PDE1C: variants seen among roughly 807,000 people sequenced by gnomAD.
PDE1C encodes the protein dual specificity calcium/calmodulin-dependent 3',5'-cyclic nucleotide phosphodiesterase 1C.
A neutral mutation model predicts 93.1 loss-of-function variants in PDE1C; 62 were observed. The observed-to-expected ratio is 0.67, with a 90% confidence interval of 0.54 to 0.82. The LOEUF is 0.82. PDE1C is among the 40% of genes least tolerant of loss of function. PDE1C has a pLI of 0.00. For synonymous variants in PDE1C, 325 were observed against 310.1 expected (o/e 1.05, Z -0.50); for missense variants, 742 against 884.6 (o/e 0.84, Z 2.04).
At chr7:31,695,395 A>G in the PDE1C span, 1 of 1,395,794 alleles carries the variant, frequency 7.2e-7, no homozygotes, top group Non-Finnish European at 9.7e-7. Context: ...AAGTGCAATT[A>G]GGAACCAAAC....
intron 1 of PDE1C, among the ~76,000 whole-genome samples, chr7:32,295,455 T>C (rs1353465902): frequency 6.6e-6 from 1 of 152,222 alleles, no homozygotes; most frequent in Non-Finnish European, 1.5e-5. Context: ...TAACAGCTAC[T>C]TTTCAGAGCT....
chr7:32,182,904 T>C (rs545928246), intron 2 of PDE1C, among the ~76,000 whole-genome samples: 2 of 152,264 alleles, frequency 1.3e-5, no homozygotes, highest in South Asian at 2.1e-4. Context: ...GAAAACCCCA[T>C]CGTCTCAGCC....
At chr7:31,965,602 A>G (rs545858114) in intron 2 of PDE1C, among the ~76,000 whole-genome samples, 2 of 152,322 alleles carry the variant, frequency 1.3e-5, no homozygotes, top group South Asian at 2.1e-4. Context: ...CAGGAAATAC[A>G]GAGAAGGCCA....
rs370054647 is a variant in PDE1C, at chr7:32,046,761, G to C, written c.128+4793C>G. ...CTAGATTTAGAAAATGAATAAATCA[G>C]ACACAGTAAGAGCTAGAACTTCTAC... is the stretch of plus-strand genomic sequence containing the variant. On this transcript the variant is annotated intron_variant, in intron 2 of 17. Transcript: ENST00000396191. Among the ~76,000 whole-genome samples, 13 of 152,198 alleles carry C rather than the reference G, an allele frequency of 8.5e-5. 3 individuals are homozygous for C. The highest frequency in any genetic ancestry group is 6.5e-5 in the Admixed American group (1 of 15,282).
intron 2 of PDE1C, among the ~76,000 whole-genome samples, chr7:31,895,915 C>A (rs997328908): frequency 1.3e-5 from 2 of 152,008 alleles, no homozygotes; most frequent in African/African-American, 4.8e-5. Flanking sequence ...TCCATTAAAC[C>A]TCTTTTTCTT....
intron 3 of PDE1C, among the ~76,000 whole-genome samples, chr7:32,086,464 A>C (rs956410830): frequency 6.6e-6 from 1 of 152,208 alleles, no homozygotes; most frequent in African/African-American, 2.4e-5. Context: ...CATCCTCATC[A>C]AGCTACCAAT....
At chr7:32,016,052 C>A (rs1391832224) in intron 2 of PDE1C, among the ~76,000 whole-genome samples, 1 of 152,186 alleles carries the variant, frequency 6.6e-6, no homozygotes. Context: ...AGTTACCACC[C>A]TTTCTCTAGG....
intron 2 of PDE1C, among the ~76,000 whole-genome samples, chr7:31,895,989 C>CCTTA (rs1799260835): frequency 3.3e-5 from 1 of 29,994 alleles, no homozygotes; most frequent in Non-Finnish European, 9.8e-5. Flanking sequence ...ATACACTCTC[C>CCTTA]CTTACATACA....
At chr7:32,370,658 G>T (rs1784314100) in intron 1 of PDE1C, among the ~76,000 whole-genome samples, 1 of 151,772 alleles carries the variant, frequency 6.6e-6, no homozygotes, top group Admixed American at 6.6e-5. Flanking sequence ...GAAGGGGGAG[G>T]GATAGCATTA....
intron 16 of PDE1C, among the ~76,000 whole-genome samples, chr7:31,799,960 C>T (rs1488034686): frequency 6.6e-6 from 1 of 151,512 alleles, no homozygotes; most frequent in Non-Finnish European, 1.5e-5. Flanking sequence ...TATACATATC[C>T]CCTCATACAA....
At chr7:31,652,048 C>T in the PDE1C span, 6 of 1,589,806 alleles carry the variant, frequency 3.8e-6, no homozygotes, top group African/African-American at 8.1e-5. Context: ...AGGGATTTTA[C>T]TGGTATGGGT....
intron 1 of PDE1C, among the ~76,000 whole-genome samples, chr7:32,059,451 C>T (rs1243603992): frequency 6.6e-6 from 1 of 152,174 alleles, no homozygotes; most frequent in Non-Finnish European, 1.5e-5. Flanking sequence ...ACATGGCAGA[C>T]CCAGGCTGCC....
At chr7:31,694,905 G>A in the PDE1C span, among the ~76,000 whole-genome samples, 1 of 152,172 alleles carries the variant, frequency 6.6e-6, no homozygotes, top group African/African-American at 2.4e-5. Context: ...CTTGAGTTAG[G>A]ATGGGCAAAT....
At chr7:32,402,657 T>C (rs1341928811) in intron 1 of PDE1C, among the ~76,000 whole-genome samples, 2 of 152,148 alleles carry the variant, frequency 1.3e-5, no homozygotes, top group Non-Finnish European at 2.9e-5. Context: ...TTACCAGCCA[T>C]TTGGGCATCC....
chr7:31,870,399 C>T (rs1795798826), intron 6 of PDE1C, among the ~76,000 whole-genome samples: 1 of 151,728 alleles, frequency 6.6e-6, no homozygotes, highest in South Asian at 2.1e-4. Context: ...AAATAAACAA[C>T]ATCAGAAGTG....
In PDE1C at chr7:32,181,448, C is replaced by G. The variant is rs545813826; in HGVS notation, c.137-11492G>C. Among the ~76,000 whole-genome samples, 6 of 152,338 alleles carry G rather than the reference C, an allele frequency of 3.9e-5. No homozygotes were observed. In the South Asian group the frequency reaches 1.0e-3, roughly 26 times the overall value. ...AAGAACAGAAATTATAACAAACTCT[C>G]TCTTCAAACCACAGTGCAATCAAAC... On this transcript the variant is annotated intron_variant, in intron 2 of 18. Transcript: ENST00000396193.
chr7:31,864,897 T>C (rs758863603), intron 7 of PDE1C, 45 bp downstream of exon 7: 1 of 1,593,448 alleles, frequency 6.3e-7, no homozygotes, highest in Admixed American at 1.7e-5. Flanking sequence ...TAAAAACTCA[T>C]CCTTACATCT....
At position 32,420,387 on chromosome 7, in the gene PDE1C, A is replaced by ATGTG. The variant is rs1241761271; in HGVS notation, c.310+7434_310+7435insCACA. ...TATGTGTATATATATGTGTATATATATATATACACACACACACACACACAC... is the reference window on the plus strand; with the variant it reads ...TATGTGTATATATATGTGTATATATATGTGTATATACACACACACACACACACAC... On this transcript the variant is annotated intron_variant, in intron 1 of 1. Transcript: ENST00000672256. Among the ~76,000 whole-genome samples the ATGTG allele has an allele frequency of 2.8e-3, 105 of 38,024 alleles. 40 individuals carry two copies. The highest frequency in any genetic ancestry group is 4.0e-3 in the Non-Finnish European group (81 of 20,402). 24.9% of individuals were successfully genotyped at this position (38,024 alleles called of 152,430 possible).
intron 1 of PDE1C, among the ~76,000 whole-genome samples, chr7:32,290,235 T>C (rs1232273772): frequency 6.6e-6 from 1 of 152,160 alleles, no homozygotes; most frequent in East Asian, 1.9e-4. Context: ...TCCAGATCCC[T>C]GGCCTGGTCA....
Sources: allele counts gnomAD v4.1 joint callset (sites outside exome capture counted in the v4.1 genomes callset), GRCh38; gene constraint gnomAD v4.1.1; transcripts MANE v1.5; gene names NCBI Gene and HGNC (gene_info 2026-07-23, HGNC 2026-07-21).